The following EPHA6 variants were observed in gnomAD, a reference collection of about 807,000 sequenced individuals.
EPHA6 encodes EPH receptor A6.
Under a neutral mutation model 112.0 loss-of-function variants are expected in EPHA6, and 50 were observed. That is an observed-to-expected ratio of 0.45 (90% CI 0.36 to 0.56). EPHA6 has a LOEUF of 0.56. Ranked by LOEUF, EPHA6 falls within the 20% of genes least tolerant of loss-of-function variation. EPHA6 has a pLI of 0.00. For synonymous variants in EPHA6, 529 were observed against 490.7 expected (o/e 1.08, Z -1.03); for missense variants, 1,280 against 1,417.4 (o/e 0.90, Z 1.56).
chr3:97,642,634 G>A lies in EPHA6; in HGVS notation c.2784+4552G>A, dbSNP rs576966535. Reference sequence around the variant, plus strand: ...CTGAAAACCAAGGCTCGAGAACTACGTGAAGAATGCAGAAGTCTTAGGAGC... The same window carrying A: ...CTGAAAACCAAGGCTCGAGAACTACATGAAGAATGCAGAAGTCTTAGGAGC... On this transcript the variant is annotated intron_variant, in intron 14 of 17. Transcript: ENST00000389672. 2.2e-4 allele frequency among the ~76,000 whole-genome samples: 34 copies of A among 152,274 alleles called. 1 individual carries two copies. The East Asian group carries it at 5.2e-3, about 23-fold the overall frequency.
chr3:97,466,413 C>T, intron 7 of EPHA6: 1 of 1,602,718 alleles, frequency 6.2e-7, no homozygotes, highest in East Asian at 2.2e-5. Flanking sequence ...TCATTATATT[C>T]CATAGGACTC....
intron 2 of EPHA6, among the ~76,000 whole-genome samples, chr3:96,978,844 C>A (rs2042634530): frequency 6.6e-6 from 1 of 152,078 alleles, no homozygotes; most frequent in South Asian, 2.1e-4. Flanking sequence ...TTTTTCACTT[C>A]AGACCCTTCT....
rs757025107 is a variant in EPHA6 at position 97,244,260 on chromosome 3, G to A, written c.1579G>A (p.Ala527Thr). 6 of 1,613,240 alleles carry A rather than the reference G, an allele frequency of 3.7e-6. No homozygotes were observed. Among genetic ancestry groups the A allele is most frequent in the South Asian group, 3.3e-5 (3 of 91,074 alleles). ...GAGTTTTTCTCCCAAGCCATTCACAGCTATTACAGTGACCACGGATCAAGA... is the reference window on the plus strand; with the variant it reads ...GAGTTTTTCTCCCAAGCCATTCACAACTATTACAGTGACCACGGATCAAGA... Reference protein sequence around the residue: ...ELSFSPKPFTAITVTTDQDAP... With the variant: ...ELSFSPKPFTTITVTTDQDAP... The change falls in exon 5 of 18, where the codon GCT becomes ACT. Residue 527 changes from alanine to threonine, a missense_variant. Physicochemically the swap from Ala to Thr is moderately conservative, Grantham distance 58. Transcript: ENST00000389672.
At chr3:96,885,148 G>A (rs1421127356) in intron 2 of EPHA6, among the ~76,000 whole-genome samples, 1 of 152,096 alleles carries the variant, frequency 6.6e-6, no homozygotes, top group Non-Finnish European at 1.5e-5. Context: ...AAGGACTTTA[G>A]GATGTATGTT....
chr3:97,445,080 T>G (rs1367743059), intron 6 of EPHA6, among the ~76,000 whole-genome samples: 2 of 152,168 alleles, frequency 1.3e-5, no homozygotes, highest in Non-Finnish European at 2.9e-5. Flanking sequence ...AACTATTTTT[T>G]TTTAATTTGG....
intron 2 of EPHA6, among the ~76,000 whole-genome samples, chr3:96,924,626 T>A (rs975208686): frequency 6.6e-6 from 1 of 152,112 alleles, no homozygotes; most frequent in Admixed American, 6.6e-5. Flanking sequence ...ATACCCTTTA[T>A]TTTTTTCTCT....
At chr3:97,497,109 G>A (rs973966545) in intron 10 of EPHA6, among the ~76,000 whole-genome samples, 2 of 152,126 alleles carry the variant, frequency 1.3e-5, no homozygotes, top group Non-Finnish European at 2.9e-5. Flanking sequence ...TGGAACCCTA[G>A]AATGGAAAGA....
At chr3:97,047,895 A>G (rs1206996160) in intron 3 of EPHA6, among the ~76,000 whole-genome samples, 1 of 152,146 alleles carries the variant, frequency 6.6e-6, no homozygotes. Flanking sequence ...TTTGGCAGTC[A>G]TTCACAATGG....
At chr3:97,319,471 C>T (rs1160337546) in intron 5 of EPHA6, among the ~76,000 whole-genome samples, 1 of 151,052 alleles carries the variant, frequency 6.6e-6, no homozygotes, top group Non-Finnish European at 1.5e-5. Context: ...AGTTCGAGAC[C>T]AGCCTGACCA....
intron 2 of EPHA6, among the ~76,000 whole-genome samples, chr3:96,927,024 T>G (rs758607213): frequency 3.3e-5 from 5 of 152,232 alleles, no homozygotes; most frequent in Non-Finnish European, 7.3e-5. Flanking sequence ...CAGCAGACTT[T>G]ATACTGGACA....
At position 97,012,734 on chromosome 3, in the gene EPHA6, C is replaced by CCTCTCA. The variant is rs1576320574; in HGVS notation, c.1114+24741_1114+24742insCTCTCA. Among the ~76,000 whole-genome samples, 3 of 150,814 alleles carry CCTCTCA rather than the reference C, an allele frequency of 2.0e-5. No individual in the cohort carries two copies. The East Asian group carries it at 5.9e-4, about 30-fold the overall frequency. ...CTCGGCCTCTCAAGTACTGGGATTA[C>CCTCTCA]AGGTATGAGCCACCACACTGGACTT... is the stretch of plus-strand genomic sequence containing the variant. On this transcript the variant is annotated intron_variant, in intron 3 of 17. Transcript: ENST00000389672.
chr3:97,329,071 G>GT (rs1328296910), intron 5 of EPHA6, among the ~76,000 whole-genome samples: 2 of 151,988 alleles, frequency 1.3e-5, no homozygotes, highest in African/African-American at 4.8e-5. Flanking sequence ...GCGGTGTTTG[G>GT]TTTTTTGTCC....
At chr3:97,389,545 A>G (rs1224907458) in intron 5 of EPHA6, among the ~76,000 whole-genome samples, 1 of 152,156 alleles carries the variant, frequency 6.6e-6, no homozygotes, top group Non-Finnish European at 1.5e-5. Context: ...ATATTTCTTG[A>G]TTGCATAAAC....
chr3:97,686,870 C>T (rs1207056847), intron 14 of EPHA6, among the ~76,000 whole-genome samples: 1 of 152,168 alleles, frequency 6.6e-6, no homozygotes, highest in Non-Finnish European at 1.5e-5. Flanking sequence ...TATCTTACTA[C>T]CCTCACCAGC....
At chr3:97,198,183 GTTGTTCAATTTCCTGTTCCTGC>G (rs2077488938) in intron 3 of EPHA6, among the ~76,000 whole-genome samples, 2 of 152,230 alleles carry the variant, frequency 1.3e-5, no homozygotes, top group African/African-American at 2.4e-5. Flanking sequence ...TGTGTGAGTA[GTTGTTCAATTTCCTGTTCCTGC>G]AGTGGAGACA....
chr3:96,820,002 A>G (rs982216074), intron 1 of EPHA6, among the ~76,000 whole-genome samples: 5 of 152,136 alleles, frequency 3.3e-5, no homozygotes, highest in Non-Finnish European at 7.4e-5. Context: ...TGAAGGTGAC[A>G]TTGAAACCTC....
intron 15 of EPHA6, among the ~76,000 whole-genome samples, chr3:97,726,126 T>C (rs992535881): frequency 2.6e-5 from 4 of 152,166 alleles, no homozygotes; most frequent in Admixed American, 1.3e-4. Flanking sequence ...TTTTCTGTTG[T>C]AGGTAACCAT....
chr3:97,210,445 C>T (rs2077837878), intron 3 of EPHA6, among the ~76,000 whole-genome samples: 1 of 152,156 alleles, frequency 6.6e-6, no homozygotes, highest in South Asian at 2.1e-4. Flanking sequence ...CACCTCCCAC[C>T]AGGCCCCTAC....
chr3:96,872,312 G>C (rs891338856), intron 2 of EPHA6, among the ~76,000 whole-genome samples: 6 of 151,968 alleles, frequency 3.9e-5, no homozygotes, highest in Admixed American at 1.3e-4. Flanking sequence ...GCTCATGATT[G>C]CCTGGAGATC....
Sources: allele counts gnomAD v4.1 joint callset (sites outside exome capture counted in the v4.1 genomes callset), GRCh38; gene constraint gnomAD v4.1.1; transcripts MANE v1.5; gene names NCBI Gene and HGNC (gene_info 2026-07-23, HGNC 2026-07-21).